The following KDM1B variants were observed in gnomAD, a reference collection of about 807,000 sequenced individuals.
KDM1B encodes lysine-specific histone demethylase 2.
Under a neutral mutation model 107.4 loss-of-function variants are expected in KDM1B, and 63 were observed. The ratio of observed to expected loss-of-function variants is 0.59; its 90% CI spans 0.48 to 0.72. KDM1B has a LOEUF of 0.72. Ranked by LOEUF, KDM1B falls within the 30% of genes least tolerant of loss-of-function variation. KDM1B has a pLI of 0.00. For missense variants in KDM1B, 749 were observed against 1,020.8 expected (o/e 0.73, Z 3.63); for synonymous variants, 363 against 363.9 (o/e 1.00, Z 0.03).
chr6:18,205,562 A>G lies in KDM1B; in HGVS notation c.1557A>G (p.Ala519=), dbSNP rs369050202. The change falls in exon 15 of 22, where the codon GCA becomes GCG. Residue 519 remains alanine (A), a synonymous_variant. Transcript: ENST00000650836. The surrounding 1 kb of genome is among the most constrained non-coding windows in gnomAD (Gnocchi z 5.7). ...AAAAGATAGAAGAAATCTACAAGGC[A>G]TTTATTAAGGAATCTGGTATCCAAT... ...LGEKIEEIYK[A]FIKESGIQFS... 5.8e-6 allele frequency: 9 copies of G among 1,547,236 alleles called. No individual in the cohort carries two copies. Among genetic ancestry groups the G allele is most frequent in the East Asian group, 2.5e-5 (1 of 40,474 alleles).
chr6:18,201,779 T>G lies in KDM1B; in HGVS notation c.1531+122T>G, dbSNP rs1247736864. 1 of 811,854 alleles carries G rather than the reference T, an allele frequency of 1.2e-6. No individual in the cohort carries two copies. The highest frequency in any genetic ancestry group is 3.1e-5 in the Admixed American group (1 of 32,262). The allele number at this position is 811,854 out of a possible 1,614,324, so 50.3% of individuals were successfully genotyped here. On this transcript the variant is annotated intron_variant, in intron 14 of 21. Coordinates refer to ENST00000650836, the MANE Select transcript of KDM1B (RefSeq NM_001364614.2). This position sits in a 1 kb window ranked among gnomAD's most constrained non-coding sequence, Gnocchi z 4.3. ...GGCAACAGGGTAGCCCTCCTGAGCA[T>G]TTCTTTTGGACTGATGGATTCTCCA...
chr6:18,162,335 A>T lies in KDM1B; in HGVS notation c.216-500A>T, dbSNP rs1269421336. ...AGACTCCATCTCAAATAAATAAAAAAATATTAAAAATAAACACAAAGACGT... is the reference window on the plus strand; with the variant it reads ...AGACTCCATCTCAAATAAATAAAAATATATTAAAAATAAACACAAAGACGT... On this transcript the variant is annotated intron_variant, in intron 4 of 21. Coordinates refer to ENST00000650836, the MANE Select transcript of KDM1B (RefSeq NM_001364614.2). The surrounding 1 kb of genome is among the most constrained non-coding windows in gnomAD (Gnocchi z 4.1). 6.6e-6 allele frequency among the ~76,000 whole-genome samples: 1 copy of T among 152,208 alleles called. No homozygotes were observed. The highest frequency in any genetic ancestry group is 2.4e-5 in the African/African-American group (1 of 41,452).
At chr6:18,180,038 ATTT>A (rs111745055) in intron 7 of KDM1B, among the ~76,000 whole-genome samples, 1 of 121,824 alleles carries the variant, frequency 8.2e-6, no homozygotes, top group African/African-American at 3.0e-5. Context: ...TAATTTTTGT[ATTT>A]TTTTTTTTTT....
intron 6 of KDM1B, among the ~76,000 whole-genome samples, chr6:18,167,039 G>A (rs917843108): frequency 2.6e-5 from 4 of 151,844 alleles, no homozygotes; most frequent in Admixed American, 2.0e-4. Context: ...CTTCAGATAC[G>A]ATTTTTGTAA....
chr6:18,200,857 A>T lies in KDM1B; in HGVS notation c.1359+281A>T, dbSNP rs559414854. Among the ~76,000 whole-genome samples, 12 of 152,324 alleles carry T rather than the reference A, an allele frequency of 7.9e-5. No homozygotes were observed. In the South Asian group the frequency reaches 2.5e-3, roughly 32 times the overall value. On this transcript the variant is annotated intron_variant, in intron 13 of 21. Transcript: ENST00000650836. The surrounding 1 kb of genome is among the most constrained non-coding windows in gnomAD (Gnocchi z 4.3). ...TTAGAGTTGCCAGATTTAGCATATA[A>T]AAATCCAGAATTCTCAATTAAATTT...
chr6:18,218,102 G>GT (rs930954807), intron 21 of KDM1B, among the ~76,000 whole-genome samples: 1 of 151,778 alleles, frequency 6.6e-6, no homozygotes, highest in African/African-American at 2.4e-5. Context: ...TTTTAAAAGT[G>GT]TTTATATTGC....
chr6:18,221,430 A>G lies in KDM1B; in HGVS notation c.2386-479A>G, dbSNP rs185562692. Among the ~76,000 whole-genome samples the G allele has an allele frequency of 2.9e-3, 442 of 152,112 alleles. 3 individuals are homozygous for G. Among genetic ancestry groups the G allele is most frequent in the Non-Finnish European group, 4.3e-3 (294 of 67,998 alleles). ...TATTGAGTCGTTTTACTTCCTCCCA[A>G]TCCAACAGCCCTCACTCACATTGTC... On this transcript the variant is annotated intron_variant, in intron 21 of 21. Transcript: ENST00000650836.
chr6:18,196,651 A>G (rs971704032), intron 10 of KDM1B, among the ~76,000 whole-genome samples: 1 of 152,148 alleles, frequency 6.6e-6, no homozygotes, highest in Admixed American at 6.6e-5. Flanking sequence ...AAAAAAATGG[A>G]TGGTGGCATC....
intron 5 of KDM1B, among the ~76,000 whole-genome samples, chr6:18,165,878 A>G (rs979924516): frequency 1.3e-5 from 2 of 152,144 alleles, no homozygotes; most frequent in African/African-American, 4.8e-5. Flanking sequence ...GGTTCCAGCT[A>G]CTTGGGAGCC....
chr6:18,210,160 T>C (rs1336412474), intron 17 of KDM1B, among the ~76,000 whole-genome samples: 1 of 152,100 alleles, frequency 6.6e-6, no homozygotes, highest in Non-Finnish European at 1.5e-5. Flanking sequence ...ATTGGAAGTT[T>C]CCCCAAACTT....
In KDM1B at chr6:18,203,819, C is replaced by G. The variant is rs371201770; in HGVS notation, c.1532-1718C>G. The stretch of plus-strand genomic sequence containing the variant: ...AGTGAGACAAGATCAGGCCATTGCA[C>G]TTCAGTCTTGATGACAAGCGAAACT... On this transcript the variant is annotated intron_variant, in intron 14 of 21. Coordinates refer to ENST00000650836, the MANE Select transcript of KDM1B (RefSeq NM_001364614.2). The surrounding 1 kb of genome is among the most constrained non-coding windows in gnomAD (Gnocchi z 5.5). 5.5e-5 allele frequency among the ~76,000 whole-genome samples: 8 copies of G among 146,262 alleles called. No homozygotes were observed. Among genetic ancestry groups the G allele is most frequent in the African/African-American group, 2.0e-4 (8 of 39,286 alleles).
chr6:18,221,836 C>G, intron 21 of KDM1B, 73 bp from the exon 22 acceptor site: 1 of 1,216,718 alleles, frequency 8.2e-7, no homozygotes, highest in Non-Finnish European at 1.2e-6. Context: ...CAGATAAAGT[C>G]TAACCTTGTT....
intron 7 of KDM1B, among the ~76,000 whole-genome samples, chr6:18,179,128 G>A (rs1306037837): frequency 6.6e-6 from 1 of 152,084 alleles, no homozygotes; most frequent in African/African-American, 2.4e-5. Context: ...ATAGATATTG[G>A]CTAATAGTTT....
chr6:18,165,791 C>T (rs1319331369), intron 5 of KDM1B, among the ~76,000 whole-genome samples: 1 of 152,182 alleles, frequency 6.6e-6, no homozygotes, highest in Non-Finnish European at 1.5e-5. Context: ...CATTGCGCTG[C>T]AGCCTGGGTG....
chr6:18,180,181 G>T (rs1378467596), intron 7 of KDM1B, among the ~76,000 whole-genome samples: 1 of 151,922 alleles, frequency 6.6e-6, no homozygotes, highest in Non-Finnish European at 1.5e-5. Flanking sequence ...GAGCTGACAT[G>T]AGGGCGTGGG....
rs1194801051 is a variant in KDM1B, at chr6:18,201,552, G to A, written c.1426G>A (p.Asp476Asn). ...DLIQEGGRIT[D>N]PTIDKRMDFH... ...AATTCAGGAAGGTGGAAGAATAACTGACCCCACTATTGACAAGCGCATGGA... is the reference window on the plus strand; with the variant it reads ...AATTCAGGAAGGTGGAAGAATAACTAACCCCACTATTGACAAGCGCATGGA... The change falls in exon 14 of 22, where the codon GAC (aspartate) becomes AAC (asparagine). Residue 476 changes from aspartate to asparagine, a missense_variant. Physicochemically the swap from Asp to Asn is conservative, Grantham distance 23. Transcript: ENST00000650836. This position sits in a 1 kb window ranked among gnomAD's most constrained non-coding sequence, Gnocchi z 4.3. 5.2e-6 allele frequency: 8 copies of A among 1,550,192 alleles called. No individual in the cohort carries two copies. The highest frequency in any genetic ancestry group is 3.3e-4 in the Middle Eastern group (2 of 5,994).
rs141222425 is a variant in KDM1B at position 18,186,973 on chromosome 6, TAC to T, written c.574-793_574-792del. Among the ~76,000 whole-genome samples, 19,117 of 147,364 alleles carry T rather than the reference TAC, an allele frequency of 0.13. 1,639 individuals carry two copies. Among genetic ancestry groups the T allele is most frequent in the African/African-American group, 0.24 (9,783 of 39,946 alleles). On this transcript the variant is annotated intron_variant, in intron 8 of 21. Coordinates refer to ENST00000650836, the MANE Select transcript of KDM1B (RefSeq NM_001364614.2). The surrounding 1 kb of genome is among the most constrained non-coding windows in gnomAD (Gnocchi z 5.6). The stretch of plus-strand genomic sequence containing the variant: ...CAGTATGTATATATGTGTGTGTGTG[TAC>T]ACACACACACACACACACACACACA...
chr6:18,165,918 G>T (rs977522317), intron 5 of KDM1B, among the ~76,000 whole-genome samples: 2 of 152,300 alleles, frequency 1.3e-5, no homozygotes, highest in Admixed American at 6.5e-5. Context: ...GAGCTTGGGA[G>T]TTCGAGGTTG....
At chr6:18,160,828 CTTTT>C (rs3077192) in intron 3 of KDM1B, among the ~76,000 whole-genome samples, 90 of 123,236 alleles carry the variant, frequency 7.3e-4, no homozygotes, top group Middle Eastern at 4.4e-3. Flanking sequence ...ACTCATGTCA[CTTTT>C]TTTTTTTTTT....
Sources: allele counts gnomAD v4.1 joint callset (sites outside exome capture counted in the v4.1 genomes callset), GRCh38; gene constraint gnomAD v4.1.1; non-coding constraint Gnocchi (gnomAD v3.1); transcripts MANE v1.5; gene names NCBI Gene and HGNC (gene_info 2026-07-23, HGNC 2026-07-21).